Variants in GALNTL6 observed in about 807,000 individuals in gnomAD.
GALNTL6 encodes polypeptide N-acetylgalactosaminyltransferase-like 6.
In GALNTL6, 46 loss-of-function variants were observed where a neutral mutation model predicts 73.7. That is an observed-to-expected ratio of 0.62 (90% confidence interval 0.49 to 0.80). The LOEUF is 0.80. Among genes scored for constraint, GALNTL6 ranks in the 30% least tolerant of loss-of-function variants. The pLI is 0.00. For synonymous variants in GALNTL6, 259 were observed against 263.7 expected, an observed-to-expected ratio of 0.98 and a Z score of 0.17; for missense variants, 604 against 755.0, an observed-to-expected ratio of 0.80 and a Z score of 2.34.
chr4:172,483,893 G>A (rs1169303500), intron 5 of GALNTL6, among the ~76,000 whole-genome samples: 1 of 152,110 alleles, frequency 6.6e-6, no homozygotes, highest in African/African-American at 2.4e-5. Context: ...TAGAAATGAA[G>A]ATATAAATAA....
chr4:172,298,031 G>A (rs1739749761), intron 3 of GALNTL6, among the ~76,000 whole-genome samples: 1 of 152,114 alleles, frequency 6.6e-6, no homozygotes, highest in Admixed American at 6.5e-5. Context: ...ATTTCATTGA[G>A]CAGTGGGTTT....
At chr4:172,137,448 G>A (rs1329529893) in intron 2 of GALNTL6, among the ~76,000 whole-genome samples, 1 of 152,154 alleles carries the variant, frequency 6.6e-6, no homozygotes, top group Non-Finnish European at 1.5e-5. Context: ...TTCTTCTTCA[G>A]TTAACAGATA....
chr4:172,750,109 G>A (rs1560926096), intron 5 of GALNTL6, among the ~76,000 whole-genome samples: 1 of 152,046 alleles, frequency 6.6e-6, no homozygotes. Context: ...TTTTATATCT[G>A]CTATAGGTCT....
chr4:172,851,484 C>T lies in GALNTL6; in HGVS notation c.924-31306C>T, dbSNP rs10001438. Among the ~76,000 whole-genome samples, 516 of 151,906 alleles carry T rather than the reference C, an allele frequency of 3.4e-3. 3 individuals are homozygous for T. Among genetic ancestry groups the T allele is most frequent in the African/African-American group, 0.012 (478 of 41,400 alleles). ...TATATACATATATATATCATTATTT[C>T]ACAATATATGACTACTGTCACAACT... is the stretch of plus-strand genomic sequence containing the variant. On this transcript the variant is annotated intron_variant, in intron 7 of 12. Coordinates refer to ENST00000506823, the MANE Select transcript of GALNTL6 (RefSeq NM_001034845.3).
intron 5 of GALNTL6, among the ~76,000 whole-genome samples, chr4:172,377,586 G>C (rs1743080436): frequency 6.6e-6 from 1 of 152,162 alleles, no homozygotes; most frequent in Non-Finnish European, 1.5e-5. Context: ...GTGGAGCAGG[G>C]GCCGGTGCCC....
chr4:171,928,347 C>T (rs1193335534), intron 2 of GALNTL6, among the ~76,000 whole-genome samples: 3 of 152,156 alleles, frequency 2.0e-5, no homozygotes, highest in Admixed American at 6.5e-5. Flanking sequence ...CATCACTTAA[C>T]AGTAACGATG....
At chr4:172,306,902 C>T (rs62329871) in intron 3 of GALNTL6, among the ~76,000 whole-genome samples, 62,896 of 152,006 alleles carry the variant, frequency 0.41, 15,114 homozygotes, top group South Asian at 0.63. Flanking sequence ...TTTGCAATTG[C>T]GAATTGTGCT....
intron 5 of GALNTL6, among the ~76,000 whole-genome samples, chr4:172,491,604 A>C (rs1057477190): frequency 1.3e-5 from 2 of 152,124 alleles, no homozygotes; most frequent in African/African-American, 4.8e-5. Flanking sequence ...GTTGCTCTCT[A>C]GACAAAACTC....
At chr4:172,953,394 C>A (rs1653659078) in intron 10 of GALNTL6, among the ~76,000 whole-genome samples, 2 of 152,180 alleles carry the variant, frequency 1.3e-5, no homozygotes, top group Non-Finnish European at 2.9e-5. Flanking sequence ...ATGTTCACAC[C>A]GTCCCACTTC....
chr4:172,762,451 T>TA (rs5864167), intron 5 of GALNTL6, among the ~76,000 whole-genome samples: 76,309 of 145,454 alleles, frequency 0.52, 20,855 homozygotes, highest in African/African-American at 0.73. Flanking sequence ...GTGTCAAACT[T>TA]AAAAAAAAAA....
At chr4:172,717,763 G>C (rs553089235) in intron 5 of GALNTL6, among the ~76,000 whole-genome samples, 1 of 152,146 alleles carries the variant, frequency 6.6e-6, no homozygotes, top group South Asian at 2.1e-4. Context: ...CTGGTGACTT[G>C]AAAAATTAAT....
chr4:173,030,255 C>A (rs1268711009), intron 12 of GALNTL6, among the ~76,000 whole-genome samples: 1 of 152,198 alleles, frequency 6.6e-6, no homozygotes, highest in Non-Finnish European at 1.5e-5. Context: ...GAGGACTATA[C>A]ATTCGCCCCA....
chr4:172,885,719 G>A (rs1481070644), intron 8 of GALNTL6, among the ~76,000 whole-genome samples: 1 of 152,074 alleles, frequency 6.6e-6, no homozygotes, highest in East Asian at 1.9e-4. Context: ...TTATCATATT[G>A]AGATATTTTC....
intron 2 of GALNTL6, among the ~76,000 whole-genome samples, chr4:172,142,638 C>T (rs937630932): frequency 2.6e-5 from 4 of 151,918 alleles, no homozygotes; most frequent in Non-Finnish European, 4.4e-5. Context: ...TTTTCAGGAA[C>T]GTGATTTTCC....
chr4:173,028,068 A>G (rs919306535), intron 12 of GALNTL6, among the ~76,000 whole-genome samples: 1 of 150,814 alleles, frequency 6.6e-6, no homozygotes, highest in Non-Finnish European at 1.5e-5. Context: ...ATGTCTCAAT[A>G]TTGTGAAGAT....
chr4:172,790,155 GAA>G (rs1289162067), intron 5 of GALNTL6, among the ~76,000 whole-genome samples: 3 of 152,234 alleles, frequency 2.0e-5, no homozygotes, highest in Non-Finnish European at 4.4e-5. Context: ...GGCGTCTGCA[GAA>G]AAAGCTTTTG....
At chr4:172,355,892 A>G (rs917159240) in intron 5 of GALNTL6, among the ~76,000 whole-genome samples, 1 of 152,156 alleles carries the variant, frequency 6.6e-6, no homozygotes, top group Non-Finnish European at 1.5e-5. Context: ...CAGTTTTCAT[A>G]TATTTCAATG....
intron 2 of GALNTL6, among the ~76,000 whole-genome samples, chr4:172,027,833 G>A (rs1430991867): frequency 6.6e-6 from 1 of 152,158 alleles, no homozygotes; most frequent in Non-Finnish European, 1.5e-5. Context: ...TTGCTAATAT[G>A]AAGAAAGTTT....
chr4:172,621,343 A>G (rs1738944367), intron 5 of GALNTL6, among the ~76,000 whole-genome samples: 1 of 152,192 alleles, frequency 6.6e-6, no homozygotes, highest in Non-Finnish European at 1.5e-5. Flanking sequence ...GCATAAGCCA[A>G]TGTGCCCACC....
Sources: gnomAD v4.1 joint callset for allele counts (sites outside exome capture counted in the v4.1 genomes callset) on GRCh38, gnomAD v4.1.1 for gene constraint, MANE v1.5 for transcripts, NCBI Gene and HGNC (gene_info 2026-07-23, HGNC 2026-07-21) for gene names.